CRB1: variants seen among roughly 807,000 people sequenced by gnomAD.
The protein encoded by CRB1 is protein crumbs homolog 1.
Under a neutral mutation model 120.0 loss-of-function variants are expected in CRB1, and 83 were observed. The ratio of observed to expected loss-of-function variants is 0.69; its 90% CI spans 0.58 to 0.83. The LOEUF is 0.83. CRB1 is among the 40% of genes least tolerant of loss of function. CRB1 has a pLI of 0.00. For synonymous variants in CRB1, 625 were observed against 612.5 expected (o/e 1.02, Z -0.30); for missense variants, 1,699 against 1,687.6 (o/e 1.01, Z -0.12).
At chr1:197,462,125 CGTTCTT>C (rs1426164855) in intron 11 of CRB1, among the ~76,000 whole-genome samples, 3 of 152,044 alleles carry the variant, frequency 2.0e-5, no homozygotes, top group Non-Finnish European at 2.9e-5. Context: ...GTAATGTTGT[CGTTCTT>C]GATTTTGTAC....
At chr1:197,346,426 T>A (rs1000089368) in intron 3 of CRB1, among the ~76,000 whole-genome samples, 3 of 152,152 alleles carry the variant, frequency 2.0e-5, no homozygotes, top group African/African-American at 7.2e-5. Flanking sequence ...CTATACTAGA[T>A]TTTTAGTAGG....
chr1:197,421,479 C>G lies in CRB1; in HGVS notation c.1651C>G (p.Gln551Glu). Residue 551 changes from glutamine (Q) to glutamate (E), a missense_variant, in exon 6 of 12, where the codon CAG becomes GAG. Physicochemically the swap from Gln to Glu is conservative, Grantham distance 29. Transcript: ENST00000367400. ...TCACTTATCAATTCAGGTCAATAATCAGTCAAAGGTGCTTCTGTTCATTTC... is the reference window on the plus strand; with the variant it reads ...TCACTTATCAATTCAGGTCAATAATGAGTCAAAGGTGCTTCTGTTCATTTC... ...YIHLSIQVNNQSKVLLFISHN... is the reference protein window; with the variant it reads ...YIHLSIQVNNESKVLLFISHN... The G allele has an allele frequency of 6.2e-7, 1 of 1,614,224 alleles. No homozygotes were observed. Among genetic ancestry groups the G allele is most frequent in the Non-Finnish European group, 8.5e-7 (1 of 1,180,050 alleles).
chr1:197,326,756 G>C (rs1337006), intron 1 of CRB1, among the ~76,000 whole-genome samples: 1 of 151,842 alleles, frequency 6.6e-6, no homozygotes, highest in South Asian at 2.1e-4. Context: ...ATTTTTGTCC[G>C]ATCCTGACCA....
chr1:197,305,718 C>A (rs1657128839), intron 1 of CRB1, among the ~76,000 whole-genome samples: 2 of 151,834 alleles, frequency 1.3e-5, no homozygotes, highest in Admixed American at 6.6e-5. Context: ...TGCACATGAA[C>A]ACTTTACATT....
At chr1:197,390,219 A>G (rs899123843) in intron 5 of CRB1, among the ~76,000 whole-genome samples, 1 of 152,026 alleles carries the variant, frequency 6.6e-6, no homozygotes, top group Non-Finnish European at 1.5e-5. Flanking sequence ...ACCAGATATA[A>G]TTGTGTTCTT....
At chr1:197,246,743 C>T in the CRB1 span, among the ~76,000 whole-genome samples, 2 of 151,986 alleles carry the variant, frequency 1.3e-5, no homozygotes, top group African/African-American at 2.4e-5. Context: ...ACATAAGTAA[C>T]GTTTTAATGC....
At chr1:197,311,436 A>T (rs1657512437) in intron 1 of CRB1, among the ~76,000 whole-genome samples, 1 of 152,238 alleles carries the variant, frequency 6.6e-6, no homozygotes, top group South Asian at 2.1e-4. Context: ...CCGTTGTAAG[A>T]TGAATAACCC....
intron 11 of CRB1, among the ~76,000 whole-genome samples, chr1:197,463,129 T>C (rs1261528385): frequency 6.6e-6 from 1 of 152,204 alleles, no homozygotes; most frequent in Non-Finnish European, 1.5e-5. Flanking sequence ...TTAGTTGTTT[T>C]ACTTCTTGAT....
At position 197,268,401 on chromosome 1, in the gene CRB1, C is replaced by T; in HGVS notation, c.-12C>T. 1.3e-6 allele frequency: 2 copies of T among 1,598,604 alleles called. No homozygotes were observed. The highest frequency in any genetic ancestry group is 2.2e-5 in the East Asian group (1 of 44,778). On this transcript the variant is annotated 5_prime_UTR_variant, in exon 1 of 12. Transcript: ENST00000367400. ...CCAGCAACACACCAGAGGATGTTCTCTAAATAAGACCATGGCACTTAAGAA... is the reference window on the plus strand; with the variant it reads ...CCAGCAACACACCAGAGGATGTTCTTTAAATAAGACCATGGCACTTAAGAA...
At chr1:197,409,869 G>T (rs1663609848) in intron 5 of CRB1, among the ~76,000 whole-genome samples, 1 of 152,034 alleles carries the variant, frequency 6.6e-6, no homozygotes, top group South Asian at 2.1e-4. Context: ...TGCAAGCTCC[G>T]CCTCCAGGGG....
At chr1:197,371,396 C>T (rs921885477) in intron 5 of CRB1, among the ~76,000 whole-genome samples, 2 of 152,080 alleles carry the variant, frequency 1.3e-5, no homozygotes, top group African/African-American at 4.8e-5. Context: ...AGATAAAAAT[C>T]CTTCTAGAGC....
At chr1:197,246,967 G>A in the CRB1 span, among the ~76,000 whole-genome samples, 826 of 152,050 alleles carry the variant, frequency 5.4e-3, 10 homozygotes, top group African/African-American at 0.019. Flanking sequence ...AAAACTTAGA[G>A]AAAAATGAAT....
intron 1 of CRB1, among the ~76,000 whole-genome samples, chr1:197,318,852 G>C (rs1658008793): frequency 6.6e-6 from 1 of 152,102 alleles, no homozygotes; most frequent in Non-Finnish European, 1.5e-5. Flanking sequence ...GGAACAAGTG[G>C]GGATAGGAGA....
chr1:197,292,539 A>T (rs774798960), intron 1 of CRB1, among the ~76,000 whole-genome samples: 4 of 152,078 alleles, frequency 2.6e-5, no homozygotes, highest in Non-Finnish European at 5.9e-5. Flanking sequence ...AAAAGAGGGA[A>T]TCCTCCCTAA....
chr1:197,226,821 C>T, the CRB1 span, among the ~76,000 whole-genome samples: 2 of 152,134 alleles, frequency 1.3e-5, no homozygotes, highest in African/African-American at 2.4e-5. Flanking sequence ...AGGCCTCAAT[C>T]ATGGCAGGAG....
In CRB1 at chr1:197,421,761, G is replaced by T. The variant is rs1218091828; in HGVS notation, c.1933G>T (p.Asp645Tyr). Residue 645 changes from aspartate (D) to tyrosine (Y), a missense_variant, in exon 6 of 12, where the codon GAC becomes TAC. Physicochemically the swap from Asp to Tyr is radical, Grantham distance 160. Coordinates refer to ENST00000367400, the MANE Select transcript of CRB1 (RefSeq NM_201253.3). ...ACCTTCGTTTGTAGGCTGTCTCCAA[G>T]ACATTAAAATTGATTGGAATCACAT... The part of the protein sequence containing the change: ...STPSFVGCLQ[D>Y]IKIDWNHITL... 1 of 1,613,998 alleles carries T rather than the reference G, an allele frequency of 6.2e-7. No individual in the cohort carries two copies. The highest frequency in any genetic ancestry group is 8.5e-7 in the Non-Finnish European group (1 of 1,180,004).
intron 5 of CRB1, among the ~76,000 whole-genome samples, chr1:197,405,919 C>G (rs1399537098): frequency 6.6e-6 from 1 of 151,406 alleles, no homozygotes; most frequent in African/African-American, 2.4e-5. Flanking sequence ...GGTCAGCCCC[C>G]GCCAGGCCAG....
At chr1:197,390,988 A>G (rs1662478815) in intron 5 of CRB1, among the ~76,000 whole-genome samples, 1 of 152,110 alleles carries the variant, frequency 6.6e-6, no homozygotes, top group Non-Finnish European at 1.5e-5. Context: ...GATTGCTGAA[A>G]TACTTTCTCA....
the CRB1 span, among the ~76,000 whole-genome samples, chr1:197,244,126 C>G: frequency 5.3e-5 from 8 of 152,258 alleles, no homozygotes; most frequent in African/African-American, 1.9e-4. Context: ...GACTCTTTAT[C>G]CAATTTGCCA....
Sources: gnomAD v4.1 joint callset for allele counts (sites outside exome capture counted in the v4.1 genomes callset) on GRCh38, gnomAD v4.1.1 for gene constraint, MANE v1.5 for transcripts, NCBI Gene and HGNC (gene_info 2026-07-23, HGNC 2026-07-21) for gene names.